Variants in ZRANB2 observed in about 807,000 individuals in gnomAD.
ZRANB2 encodes zinc finger RANBP2-type containing 2, also known as zinc finger Ran-binding domain-containing protein 2.
A neutral mutation model predicts 53.4 loss-of-function variants in ZRANB2; 19 were observed. The ratio of observed to expected loss-of-function variants is 0.36; its 90% CI spans 0.25 to 0.52. The LOEUF is 0.52. ZRANB2 is among the 20% of genes least tolerant of loss of function. The probability of loss-of-function intolerance (pLI) is 0.93; values close to 1 mark genes in which losing one functional copy is unlikely to be tolerated. For missense variants in ZRANB2, 309 were observed against 401.1 expected (o/e 0.77, Z 1.96); for synonymous variants, 145 against 134.8 (o/e 1.08, Z -0.52).
chr1:71,070,676 C>G, intron 7 of ZRANB2, 151 bp downstream of exon 7: 1 of 518,166 alleles, frequency 1.9e-6, no homozygotes, highest in Non-Finnish European at 3.3e-6. Context: ...CTGTATGGTA[C>G]TAAGCTGAAA....
chr1:71,077,833 G>A (rs1344658372), intron 3 of ZRANB2, among the ~76,000 whole-genome samples: 1 of 152,170 alleles, frequency 6.6e-6, no homozygotes, highest in Non-Finnish European at 1.5e-5. Flanking sequence ...TCCAGCCTGG[G>A]TGACTGAGTG....
At chr1:71,079,168 T>C (rs1661778000) in intron 1 of ZRANB2, among the ~76,000 whole-genome samples, 1 of 150,976 alleles carries the variant, frequency 6.6e-6, no homozygotes, top group South Asian at 2.1e-4. Context: ...GTAGGTAGGA[T>C]GCTAAGGAAC....
At chr1:71,065,829 T>C in intron 9 of ZRANB2, 1 of 1,579,744 alleles carries the variant, frequency 6.3e-7, no homozygotes, top group Non-Finnish European at 8.6e-7. Flanking sequence ...AAGATAAAAA[T>C]TTGCAGAAGT....
intron 9 of ZRANB2, chr1:71,065,838 G>C: frequency 6.4e-7 from 1 of 1,574,714 alleles, no homozygotes; most frequent in Non-Finnish European, 8.6e-7. Context: ...ATTTGCAGAA[G>C]TGGTAAGAAA....
intron 1 of ZRANB2, among the ~76,000 whole-genome samples, chr1:71,080,188 G>C (rs1237939717): frequency 6.6e-6 from 1 of 151,948 alleles, no homozygotes; most frequent in Non-Finnish European, 1.5e-5. Context: ...TTTCCGAATA[G>C]ATACACCTAT....
intron 9 of ZRANB2, among the ~76,000 whole-genome samples, chr1:71,065,390 C>G (rs1399569449): frequency 1.3e-5 from 2 of 151,966 alleles, no homozygotes; most frequent in African/African-American, 2.4e-5. Context: ...ATAGCCACCT[C>G]TCAATTATTT....
intron 4 of ZRANB2, 101 bp from the exon 5 acceptor site, chr1:71,072,649 A>G: frequency 1.2e-6 from 1 of 802,878 alleles, no homozygotes; most frequent in South Asian, 1.8e-5. Flanking sequence ...CTAATCAACA[A>G]TGGCTGCCTA....
In ZRANB2 at chr1:71,065,040, T is replaced by C. The variant is rs1354560652; in HGVS notation, c.*34A>G. On this transcript the variant is annotated 3_prime_UTR_variant, in exon 10 of 10. Coordinates refer to ENST00000370920, the MANE Select transcript of ZRANB2 (RefSeq NM_203350.3). The stretch of plus-strand genomic sequence containing the variant: ...CTTTAAAAATATGCTTCATGCACTG[T>C]ACTGGATTTTTTTAAGATGTAAATT... 2.0e-6 allele frequency: 3 copies of C among 1,508,858 alleles called. No individual in the cohort carries two copies. Among genetic ancestry groups the C allele is most frequent in the African/African-American group, 1.4e-5 (1 of 71,640 alleles). The allele number at this position is 1,508,858 out of a possible 1,614,324, so 93.5% of individuals were successfully genotyped here. A position where few individuals can be genotyped will look rare whatever the true frequency, so the allele number is the denominator to read the frequency against.
rs773193934 is a variant in ZRANB2 at position 71,066,798 on chromosome 1, T to A, written c.907A>T (p.Thr303Ser). ...SSSGDRKKRR[T>S]RSRSPERRHR... ...AACCTTTCGGGTGACCGTGATCTTG[T>A]TCGTCTTTTTTTGCGATCACCAGAT... Residue 303 changes from threonine to serine, a missense_variant, in exon 9 of 10, where the codon ACA (threonine) becomes TCA (serine). Thr to Ser is a moderately conservative substitution (Grantham distance 58). This residue lies in a region of ZRANB2 where 211 missense variants were observed against 196.1 expected (regional missense o/e 1.08). Transcript: ENST00000370920. The A allele has an allele frequency of 6.8e-6, 11 of 1,612,380 alleles. No homozygotes were observed. Among genetic ancestry groups the A allele is most frequent in the Non-Finnish European group, 9.3e-6 (11 of 1,179,442 alleles).
At chr1:71,070,486 T>C (rs565760129) in intron 7 of ZRANB2, among the ~76,000 whole-genome samples, 70 of 152,228 alleles carry the variant, frequency 4.6e-4, no homozygotes, top group African/African-American at 1.6e-3. Flanking sequence ...TGAATGAAAA[T>C]ACAGATCTCC....
Position 71,069,263 on chromosome 1 carries a change from C to A in ZRANB2, c.770+13G>T. 6.2e-7 allele frequency: 1 copy of A among 1,604,096 alleles called. No homozygotes were observed. Among genetic ancestry groups the A allele is most frequent in the Non-Finnish European group, 8.5e-7 (1 of 1,173,460 alleles). ...TTTCTCTCTGCTTTACAGAGAGATG[C>A]TACCTCATTCACCTTGATTTCGACC... On this transcript the variant is annotated intron_variant, in intron 8 of 9. Coordinates refer to ENST00000370920, the MANE Select transcript of ZRANB2 (RefSeq NM_203350.3).
intron 4 of ZRANB2, among the ~76,000 whole-genome samples, chr1:71,072,943 A>G (rs1227012151): frequency 6.6e-6 from 1 of 152,116 alleles, no homozygotes; most frequent in Non-Finnish European, 1.5e-5. Flanking sequence ...CCAACTGCAA[A>G]TAGTCTGAAA....
At chr1:71,074,209 C>T (rs1351837395) in intron 4 of ZRANB2, among the ~76,000 whole-genome samples, 1 of 152,066 alleles carries the variant, frequency 6.6e-6, no homozygotes, top group Non-Finnish European at 1.5e-5. Flanking sequence ...TAGGTATCCC[C>T]AGCACCTTGC....
Position 71,065,043 on chromosome 1 carries a change from TG to T in ZRANB2, c.*30del, listed in dbSNP as rs1220736587. On this transcript the variant is annotated 3_prime_UTR_variant, in exon 10 of 10. Coordinates refer to ENST00000370920, the MANE Select transcript of ZRANB2 (RefSeq NM_203350.3). Reference sequence around the variant, plus strand: ...TAAAAATATGCTTCATGCACTGTACTGGATTTTTTTAAGATGTAAATTTTAA... The same window carrying T: ...TAAAAATATGCTTCATGCACTGTACTGATTTTTTTAAGATGTAAATTTTAA... 3.9e-6 allele frequency: 6 copies of T among 1,536,234 alleles called. No homozygotes were observed. Among genetic ancestry groups the T allele is most frequent in the Non-Finnish European group, 5.4e-6 (6 of 1,117,114 alleles).
intron 1 of ZRANB2, among the ~76,000 whole-genome samples, chr1:71,079,271 A>T (rs1661780738): frequency 6.6e-6 from 1 of 152,194 alleles, no homozygotes; most frequent in Non-Finnish European, 1.5e-5. Context: ...AACCTCTGAG[A>T]CTTCGCTGAA....
intron 4 of ZRANB2, among the ~76,000 whole-genome samples, chr1:71,074,873 C>T (rs577545299): frequency 2.0e-5 from 3 of 151,980 alleles, no homozygotes; most frequent in Admixed American, 6.6e-5. Flanking sequence ...CAAAAGAAAG[C>T]GGAAAGCAAC....
intron 9 of ZRANB2, chr1:71,065,601 C>A: frequency 3.4e-6 from 5 of 1,491,040 alleles, no homozygotes; most frequent in Non-Finnish European, 4.5e-6. Context: ...TTTTGGAAAT[C>A]TAGGTCACAC....
Position 71,064,710 on chromosome 1 carries a change from CA to C in ZRANB2, c.*363del, listed in dbSNP as rs1661382209. 6.3e-6 allele frequency: 1 copy of C among 159,742 alleles called. No homozygotes were observed. Among genetic ancestry groups the C allele is most frequent in the African/African-American group, 2.4e-5 (1 of 41,730 alleles). The allele number at this position is 159,742 out of a possible 1,614,324, so 9.9% of individuals were successfully genotyped here. A position where few individuals can be genotyped will look rare whatever the true frequency, so the allele number is the denominator to read the frequency against. The stretch of plus-strand genomic sequence containing the variant: ...TCCAACTAGTTTCCAGTCTTTCTTC[CA>C]TGCCCAAAGTTCAGGCAAGCCTAGG... On this transcript the variant is annotated 3_prime_UTR_variant, in exon 10 of 10. Transcript: ENST00000370920.
At chr1:71,080,229 C>T (rs1661807624) in intron 1 of ZRANB2, among the ~76,000 whole-genome samples, 1 of 125,166 alleles carries the variant, frequency 8.0e-6, no homozygotes, top group African/African-American at 3.4e-5. Context: ...ATCTGATTAA[C>T]TATCTAGTCG....
Sources: gnomAD v4.1 joint callset for allele counts (sites outside exome capture counted in the v4.1 genomes callset) on GRCh38, gnomAD v4.1.1 for gene constraint, gnomAD v4.1.1 regional missense constraint, MANE v1.5 for transcripts, NCBI Gene and HGNC (gene_info 2026-07-23, HGNC 2026-07-21) for gene names.